The following NAALADL2 variants were observed in gnomAD, a reference collection of about 807,000 sequenced individuals.
The protein encoded by NAALADL2 is N-acetylated alpha-linked acidic dipeptidase like 2.
In NAALADL2, 76 loss-of-function variants were observed where a neutral mutation model predicts 87.2. That is an observed-to-expected ratio of 0.87 (90% CI 0.72 to 1.05). The LOEUF is 1.05. Among genes scored for constraint, NAALADL2 ranks in the 50% least tolerant of loss-of-function variants. The pLI is 0.00. For synonymous variants in NAALADL2, 354 were observed against 331.0 expected (o/e 1.07, Z -0.75); for missense variants, 1,089 against 945.8 (o/e 1.15, Z -1.99).
chr3:174,809,968 T>TCCTGCTCCTGCTGTGGAAGATG (rs1719978387), intron 3 of NAALADL2, among the ~76,000 whole-genome samples: 2 of 152,154 alleles, frequency 1.3e-5, no homozygotes, highest in African/African-American at 4.8e-5. Context: ...CCTCTCTTGG[T>TCCTGCTCCTGCTGTGGAAGATG]CCTGCTCCTG....
At chr3:175,668,383 A>G (rs1411538282) in intron 11 of NAALADL2, among the ~76,000 whole-genome samples, 2 of 152,118 alleles carry the variant, frequency 1.3e-5, no homozygotes, top group Non-Finnish European at 2.9e-5. Context: ...TAGCATTGTA[A>G]TTTAACTTTA....
intron 13 of NAALADL2, among the ~76,000 whole-genome samples, chr3:175,786,751 G>C (rs367890067): frequency 6.6e-6 from 1 of 151,788 alleles, no homozygotes; most frequent in Non-Finnish European, 1.5e-5. Context: ...GAGGAACTGC[G>C]TTCCTTTGGA....
chr3:175,349,526 G>A (rs1211498903), intron 5 of NAALADL2, among the ~76,000 whole-genome samples: 1 of 152,166 alleles, frequency 6.6e-6, no homozygotes, highest in African/African-American at 2.4e-5. Flanking sequence ...AAAGCTTGGG[G>A]AAGTCACTGA....
At chr3:174,796,761 G>T (rs13317611) in intron 3 of NAALADL2, among the ~76,000 whole-genome samples, 1 of 69,012 alleles carries the variant, frequency 1.4e-5, no homozygotes, top group Non-Finnish European at 3.4e-5. Flanking sequence ...GTATATTTTT[G>T]TTGGCCATTT....
chr3:174,764,908 T>C (rs986988215), intron 3 of NAALADL2, among the ~76,000 whole-genome samples: 2 of 152,166 alleles, frequency 1.3e-5, no homozygotes, highest in African/African-American at 4.8e-5. Flanking sequence ...AATTTATTTG[T>C]ATGCTGAAAA....
In NAALADL2 at chr3:174,659,950, A is replaced by G. The variant is rs577019826; in HGVS notation, c.-114-77691A>G. Among the ~76,000 whole-genome samples the G allele has an allele frequency of 1.9e-3, 293 of 151,922 alleles. 3 individuals are homozygous for G. Among genetic ancestry groups the G allele is most frequent in the African/African-American group, 6.7e-3 (276 of 41,402 alleles). Reference sequence around the variant, plus strand: ...AGTGTGTCCTTTGTTTCCTTTTGGGACCCCGCTTGAAACAGTTCATATTCA... The same window carrying G: ...AGTGTGTCCTTTGTTTCCTTTTGGGGCCCCGCTTGAAACAGTTCATATTCA... On this transcript the variant is annotated intron_variant, in intron 2 of 3. Coordinates refer to the NAALADL2 transcript ENST00000434257.
chr3:174,588,306 G>T (rs1415152617), intron 2 of NAALADL2, among the ~76,000 whole-genome samples: 6 of 152,030 alleles, frequency 3.9e-5, no homozygotes, highest in Non-Finnish European at 5.9e-5. Context: ...CTTTGTGATG[G>T]GTTCGAACAT....
chr3:175,363,761 T>C lies in NAALADL2; in HGVS notation c.1090+39436T>C, dbSNP rs760657527. Among the ~76,000 whole-genome samples, 8 of 148,256 alleles carry C rather than the reference T, an allele frequency of 5.4e-5. 2 individuals carry two copies. Among genetic ancestry groups the C allele is most frequent in the Admixed American group, 1.4e-4 (2 of 14,464 alleles). ...AACAGCATTAATGAACTGGAAAATC[T>C]GTAACAAGTATCTCAGTCTGTAACT... On this transcript the variant is annotated intron_variant, in intron 5 of 13. Transcript: ENST00000454872.
chr3:174,823,381 A>G lies in NAALADL2; in HGVS notation c.-9+85635A>G, dbSNP rs528379474. On this transcript the variant is annotated intron_variant, in intron 3 of 3. Transcript: ENST00000434257. ...GCCAATCTACATTCTTGTTAAGCAAATACTTTATATTTCTTGCTGGAGCAT... is the reference window on the plus strand; with the variant it reads ...GCCAATCTACATTCTTGTTAAGCAAGTACTTTATATTTCTTGCTGGAGCAT... 2.6e-5 allele frequency among the ~76,000 whole-genome samples: 4 copies of G among 152,302 alleles called. No homozygotes were observed. The East Asian group carries it at 7.7e-4, about 29-fold the overall frequency.
At chr3:175,340,898 A>G (rs947167458) in intron 5 of NAALADL2, among the ~76,000 whole-genome samples, 3 of 152,280 alleles carry the variant, frequency 2.0e-5, no homozygotes, top group Admixed American at 2.0e-4. Context: ...CAGTGAGTTC[A>G]GAATAGAAGA....
intron 2 of NAALADL2, among the ~76,000 whole-genome samples, chr3:175,102,807 A>G (rs186989518): frequency 1.5e-3 from 227 of 152,294 alleles, no homozygotes; most frequent in Non-Finnish European, 1.3e-3. Context: ...TCTTCAAAAC[A>G]TTTAGAAAAT....
intron 1 of NAALADL2, among the ~76,000 whole-genome samples, chr3:175,068,039 C>T (rs57641208): frequency 1.3e-5 from 2 of 151,810 alleles, no homozygotes; most frequent in African/African-American, 2.4e-5. Flanking sequence ...CTAAACATTG[C>T]GTACTCCTGG....
intron 12 of NAALADL2, among the ~76,000 whole-genome samples, chr3:175,743,296 C>T (rs773004106): frequency 6.6e-6 from 1 of 152,168 alleles, no homozygotes; most frequent in Non-Finnish European, 1.5e-5. Flanking sequence ...CCACCATGCC[C>T]GGCCCAGAGA....
chr3:175,101,686 GT>G (rs1722213660), intron 2 of NAALADL2, among the ~76,000 whole-genome samples: 1 of 152,170 alleles, frequency 6.6e-6, no homozygotes, highest in African/African-American at 2.4e-5. Flanking sequence ...TCAAAACATA[GT>G]TTGAAAATAT....
chr3:175,584,359 G>C (rs1420412684), intron 10 of NAALADL2, among the ~76,000 whole-genome samples: 1 of 151,718 alleles, frequency 6.6e-6, no homozygotes, highest in Non-Finnish European at 1.5e-5. Flanking sequence ...TTTTATTATA[G>C]ATGAGGAAAC....
chr3:175,003,007 T>G (rs116671599), intron 1 of NAALADL2, among the ~76,000 whole-genome samples: 148 of 152,320 alleles, frequency 9.7e-4, no homozygotes, highest in Middle Eastern at 3.4e-3. Flanking sequence ...ACAAGGGACA[T>G]CTTTTCTGAT....
At chr3:175,683,228 A>C (rs1479987074) in intron 11 of NAALADL2, among the ~76,000 whole-genome samples, 4 of 152,132 alleles carry the variant, frequency 2.6e-5, no homozygotes, top group Non-Finnish European at 5.9e-5. Context: ...CCAAAGTAAA[A>C]ATTTATTTTA....
intron 2 of NAALADL2, among the ~76,000 whole-genome samples, chr3:175,168,053 C>T (rs1299571847): frequency 6.6e-6 from 1 of 151,694 alleles, no homozygotes; most frequent in Non-Finnish European, 1.5e-5. Flanking sequence ...TTTTTTTTCC[C>T]AAACCACGTT....
intron 2 of NAALADL2, among the ~76,000 whole-genome samples, chr3:175,177,110 C>T (rs1298829152): frequency 6.6e-6 from 1 of 152,002 alleles, no homozygotes; most frequent in Non-Finnish European, 1.5e-5. Flanking sequence ...GAACCATTTC[C>T]TTCCTCATGC....
Sources: allele counts gnomAD v4.1 joint callset (sites outside exome capture counted in the v4.1 genomes callset), GRCh38; gene constraint gnomAD v4.1.1; transcripts MANE v1.5; gene names NCBI Gene and HGNC (gene_info 2026-07-23, HGNC 2026-07-21).